Variants in ADGRG6 observed in about 807,000 individuals in gnomAD.
The protein encoded by ADGRG6 is G-protein coupled receptor 126.
In ADGRG6, 84 loss-of-function variants were observed where a neutral mutation model predicts 142.4. The ratio of observed to expected loss-of-function variants is 0.59; its 90% CI spans 0.49 to 0.71. The LOEUF is 0.71. ADGRG6 is among the 30% of genes least tolerant of loss of function. The probability of loss-of-function intolerance (pLI) is 0.00; values close to 1 mark genes in which losing one functional copy is unlikely to be tolerated. For missense variants in ADGRG6, 1,367 were observed against 1,466.6 expected, an observed-to-expected ratio of 0.93 and a Z score of 1.11; for synonymous variants, 521 against 520.5, an observed-to-expected ratio of 1.00 and a Z score of -0.01.
chr6:142,343,080 T>G (rs1355756125), intron 2 of ADGRG6, among the ~76,000 whole-genome samples: 4 of 151,778 alleles, frequency 2.6e-5, no homozygotes, highest in Admixed American at 2.6e-4. Context: ...TATGTAAATA[T>G]AAGCTTATAA....
chr6:142,405,271 A>G (rs1775736793), intron 14 of ADGRG6: 1 of 447,998 alleles, frequency 2.2e-6, no homozygotes, highest in Non-Finnish European at 4.5e-6. Flanking sequence ...TAAAATTTTA[A>G]TGCAGTCTGA....
intron 2 of ADGRG6, among the ~76,000 whole-genome samples, chr6:142,344,402 T>G (rs983606371): frequency 2.0e-5 from 3 of 151,962 alleles, no homozygotes; most frequent in African/African-American, 7.2e-5. Flanking sequence ...AGAACTGTTC[T>G]AGATCATGTC....
intron 9 of ADGRG6, among the ~76,000 whole-genome samples, chr6:142,395,999 T>G (rs1312371874): frequency 2.0e-5 from 3 of 152,166 alleles, no homozygotes; most frequent in African/African-American, 7.2e-5. Flanking sequence ...TGTAACTTTG[T>G]AGAACCATAA....
intron 6 of ADGRG6, among the ~76,000 whole-genome samples, chr6:142,384,420 GC>G (rs1781928045): frequency 6.6e-6 from 1 of 151,918 alleles, no homozygotes; most frequent in South Asian, 2.1e-4. Flanking sequence ...AATACTTCTT[GC>G]TTTTTTCTCC....
At chr6:142,441,014 GC>G (rs1777734462) in intron 24 of ADGRG6, 3 of 772,482 alleles carry the variant, frequency 3.9e-6, no homozygotes, top group Non-Finnish European at 6.1e-6. Context: ...GAGAATATGT[GC>G]ATGGATTAAG....
rs1583093888 is a variant in ADGRG6, at chr6:142,399,416, GC to G, written c.1568-1068del. 3.3e-5 allele frequency among the ~76,000 whole-genome samples: 5 copies of G among 152,190 alleles called. No homozygotes were observed. In the East Asian group the frequency reaches 9.7e-4, roughly 29 times the overall value. The stretch of plus-strand genomic sequence containing the variant: ...GGGAAAATACTTCTTAACAAATGGG[GC>G]TTTTTGGAGGGAGGGAGAATGCAAG... On this transcript the variant is annotated intron_variant, in intron 10 of 24. Transcript: ENST00000367609.
chr6:142,419,278 A>G (rs1003280931), intron 21 of ADGRG6, among the ~76,000 whole-genome samples: 1 of 152,136 alleles, frequency 6.6e-6, no homozygotes, highest in Non-Finnish European at 1.5e-5. Context: ...GTCATTGGAC[A>G]GAAGATGCTG....
chr6:142,355,786 A>G (rs1292849992), intron 2 of ADGRG6, among the ~76,000 whole-genome samples: 4 of 152,196 alleles, frequency 2.6e-5, no homozygotes, highest in African/African-American at 9.7e-5. Context: ...CCCACCGAGA[A>G]CAAGCTACTC....
chr6:142,385,364 A>T (rs1176833312), intron 6 of ADGRG6, among the ~76,000 whole-genome samples: 1 of 152,236 alleles, frequency 6.6e-6, no homozygotes, highest in Non-Finnish European at 1.5e-5. Context: ...TCAAAATGTC[A>T]TCAGCGTTTA....
intron 16 of ADGRG6, among the ~76,000 whole-genome samples, chr6:142,408,510 G>T (rs1368271812): frequency 2.6e-5 from 4 of 151,888 alleles, no homozygotes; most frequent in Non-Finnish European, 5.9e-5. Context: ...TGAAGAGAAG[G>T]GCTTCTATTT....
At chr6:142,428,989 A>T (rs922908506) in intron 22 of ADGRG6, among the ~76,000 whole-genome samples, 1 of 152,198 alleles carries the variant, frequency 6.6e-6, no homozygotes, top group Non-Finnish European at 1.5e-5. Flanking sequence ...TCCAGGATAA[A>T]ACAGGCATAT....
intron 13 of ADGRG6, 62 bp downstream of exon 13, chr6:142,402,892 C>A: frequency 2.3e-6 from 2 of 852,424 alleles, no homozygotes; most frequent in South Asian, 1.8e-5. Flanking sequence ...CATGATTTCT[C>A]ACCTATCTGA....
At chr6:142,405,319 C>T (rs1422390322) in intron 14 of ADGRG6, 3 of 459,122 alleles carry the variant, frequency 6.5e-6, no homozygotes, top group South Asian at 3.1e-5. Context: ...CTCTTTCTCT[C>T]TCCCTTGCCC....
chr6:142,378,915 T>C (rs921951959), intron 4 of ADGRG6, among the ~76,000 whole-genome samples: 1 of 152,254 alleles, frequency 6.6e-6, no homozygotes, highest in Middle Eastern at 3.2e-3. Context: ...TTTACCTTTT[T>C]AAGTCTATAG....
intron 4 of ADGRG6, among the ~76,000 whole-genome samples, chr6:142,378,039 C>T (rs1390889886): frequency 6.6e-6 from 1 of 152,110 alleles, no homozygotes; most frequent in Non-Finnish European, 1.5e-5. Flanking sequence ...GAACAGCTAA[C>T]TAAAATACTG....
intron 22 of ADGRG6, among the ~76,000 whole-genome samples, chr6:142,424,343 C>G (rs7757007): frequency 0.18 from 19,409 of 107,604 alleles, 1,718 homozygotes; most frequent in African/African-American, 0.26. Context: ...GAAATACGTC[C>G]CATCAATACC....
intron 9 of ADGRG6, among the ~76,000 whole-genome samples, chr6:142,395,961 G>T (rs1317635823): frequency 6.6e-6 from 1 of 151,932 alleles, no homozygotes; most frequent in African/African-American, 2.4e-5. Context: ...TTCAAATAAA[G>T]AATGGCTGAT....
At chr6:142,326,041 A>G (rs1313913526) in intron 2 of ADGRG6, among the ~76,000 whole-genome samples, 1 of 152,102 alleles carries the variant, frequency 6.6e-6, no homozygotes, top group African/African-American at 2.4e-5. Flanking sequence ...GTAGAAATAC[A>G]GGTAGGTTTA....
chr6:142,434,077 C>T (rs527799985), intron 22 of ADGRG6, among the ~76,000 whole-genome samples: 1 of 151,972 alleles, frequency 6.6e-6, no homozygotes, highest in African/African-American at 2.4e-5. Flanking sequence ...ACTTCTCTAC[C>T]CTATCTGATA....
Sources: gnomAD v4.1 joint callset for allele counts (sites outside exome capture counted in the v4.1 genomes callset) on GRCh38, gnomAD v4.1.1 for gene constraint, MANE v1.5 for transcripts, NCBI Gene and HGNC (gene_info 2026-07-23, HGNC 2026-07-21) for gene names.